Variants in ADGRG2 observed in about 807,000 individuals in gnomAD.
ADGRG2 encodes G protein-coupled receptor 64.
Under a neutral mutation model 74.1 loss-of-function variants are expected in ADGRG2, and 26 were observed. The ratio of observed to expected loss-of-function variants is 0.35; its 90% CI spans 0.26 to 0.49. ADGRG2 has a LOEUF of 0.49. ADGRG2 is among the 20% of genes least tolerant of loss of function. ADGRG2 has a pLI of 0.99. For synonymous variants in ADGRG2, 296 were observed against 295.2 expected (o/e 1.00, Z -0.03); for missense variants, 619 against 763.1 (o/e 0.81, Z 2.22).
Position 19,100,252 on chromosome X carries a change from TA to T in ADGRG2, c.-46-17507del, listed in dbSNP as rs1363997221. ...TAGAATCCTCAAAAGTTATCATAGG[TA>T]AAAATCTGCATTTCCTCTGCAAAGG... On this transcript the variant is annotated intron_variant, in intron 1 of 28. Coordinates refer to ENST00000379869, the MANE Select transcript of ADGRG2 (RefSeq NM_001079858.3). Among the ~76,000 whole-genome samples, 32 of 112,548 alleles carry T rather than the reference TA, an allele frequency of 2.8e-4. 1 individual carries two copies. The highest frequency in any genetic ancestry group is 5.6e-4 in the Non-Finnish European group (30 of 53,316).
At chrX:19,038,312 A>T (rs1664261990) in intron 4 of ADGRG2, among the ~76,000 whole-genome samples, 1 of 112,259 alleles carries the variant, frequency 8.9e-6, no homozygotes, top group East Asian at 2.8e-4. Context: ...TATAACTAAA[A>T]TAAGTTTTGC....
chrX:19,119,282 G>A (rs957070939), intron 1 of ADGRG2, among the ~76,000 whole-genome samples: 1 of 112,149 alleles, frequency 8.9e-6, no homozygotes, highest in African/African-American at 3.2e-5. Flanking sequence ...TTATTTGATT[G>A]CGGGAATTTA....
intron 3 of ADGRG2, among the ~76,000 whole-genome samples, chrX:19,066,143 C>T (rs756144235): frequency 1.8e-5 from 2 of 112,609 alleles, no homozygotes; most frequent in South Asian, 3.6e-4. Context: ...CCACTGCACC[C>T]GGCCATTATT....
intron 3 of ADGRG2, among the ~76,000 whole-genome samples, chrX:19,062,015 G>A (rs1265238091): frequency 9.0e-6 from 1 of 111,550 alleles, no homozygotes; most frequent in African/African-American, 3.3e-5. Flanking sequence ...TCCAGGCCTG[G>A]GGGGTCCTTC....
chrX:19,083,387 T>C (rs1876026267), intron 1 of ADGRG2, among the ~76,000 whole-genome samples: 1 of 110,360 alleles, frequency 9.1e-6, no homozygotes, highest in Non-Finnish European at 1.9e-5. Flanking sequence ...CATAGGGCAC[T>C]GGACAACGAA....
chrX:19,102,846 T>C (rs1214121758), intron 1 of ADGRG2, among the ~76,000 whole-genome samples: 1 of 111,148 alleles, frequency 9.0e-6, no homozygotes, highest in East Asian at 2.8e-4. Context: ...CATGCCAGCA[T>C]CTTGATCTTG....
At chrX:19,016,601 T>C (rs187848829) in intron 15 of ADGRG2, among the ~76,000 whole-genome samples, 1,289 of 109,250 alleles carry the variant, frequency 0.012, 16 homozygotes, top group African/African-American at 0.041. Context: ...ATGTGCAGGT[T>C]AGTTACATAT....
intron 1 of ADGRG2, among the ~76,000 whole-genome samples, chrX:19,114,001 G>A (rs909654219): frequency 2.8e-5 from 3 of 106,205 alleles, no homozygotes; most frequent in African/African-American, 1.0e-4. Flanking sequence ...GAACCCGGGA[G>A]GCAGAGGTTG....
chrX:19,065,475 C>T (rs1449084901), intron 3 of ADGRG2, among the ~76,000 whole-genome samples: 2 of 111,388 alleles, frequency 1.8e-5, no homozygotes, highest in East Asian at 2.8e-4. Context: ...AGTCAGCTGC[C>T]TTGAGTGATC....
intron 3 of ADGRG2, among the ~76,000 whole-genome samples, chrX:19,046,828 G>A (rs2061200569): frequency 9.0e-6 from 1 of 111,695 alleles, no homozygotes; most frequent in Admixed American, 9.5e-5. Flanking sequence ...CATTAGAGAT[G>A]CCAGCCAAAC....
chrX:19,065,863 T>C (rs1350131293), intron 3 of ADGRG2, among the ~76,000 whole-genome samples: 1 of 112,205 alleles, frequency 8.9e-6, no homozygotes. Flanking sequence ...TATTTTATTT[T>C]TTGTTTGAGA....
intron 3 of ADGRG2, among the ~76,000 whole-genome samples, chrX:19,065,376 A>G (rs1426125080): frequency 1.8e-5 from 2 of 110,226 alleles, no homozygotes; most frequent in Non-Finnish European, 3.8e-5. Flanking sequence ...GTTCTGAGAG[A>G]CAGGTGATGC....
intron 11 of ADGRG2, among the ~76,000 whole-genome samples, chrX:19,026,420 G>A (rs2060701333): frequency 9.0e-6 from 1 of 111,408 alleles, no homozygotes; most frequent in Admixed American, 9.5e-5. Context: ...TTTTGGTGAC[G>A]GACACAGTAA....
chrX:19,048,737 C>T (rs1188717918), intron 3 of ADGRG2, among the ~76,000 whole-genome samples: 1 of 112,301 alleles, frequency 8.9e-6, no homozygotes, highest in Non-Finnish European at 1.9e-5. Flanking sequence ...GGTCCTGGCC[C>T]GTGCTGATAA....
intron 1 of ADGRG2, among the ~76,000 whole-genome samples, chrX:19,120,599 A>T (rs1275009872): frequency 1.8e-5 from 2 of 111,809 alleles, no homozygotes; most frequent in Admixed American, 1.9e-4. Flanking sequence ...ATCACCCACC[A>T]TCTCAAACCC....
intron 1 of ADGRG2, among the ~76,000 whole-genome samples, chrX:19,120,284 C>G (rs749282731): frequency 2.7e-5 from 3 of 111,964 alleles, no homozygotes; most frequent in African/African-American, 9.7e-5. Context: ...CATCTTAGAT[C>G]TTAACTAAGC....
rs1400202116 is a variant in ADGRG2 at position 19,040,118 on chromosome X, C to G, written c.154+71G>C. 4 of 709,235 alleles carry G rather than the reference C, an allele frequency of 5.6e-6. No homozygotes were observed. The East Asian group carries it at 9.7e-5, about 17-fold the overall frequency. 58.4% of individuals were successfully genotyped at this position (709,235 alleles called of 1,213,427 possible). A position where few individuals can be genotyped will look rare whatever the true frequency, so the allele number is the denominator to read the frequency against. ...CAATTTTGTTGTACCTGACTACATG[C>G]CATGTTTCATAGAGAACTTACAGAA... On this transcript the variant is annotated intron_variant, in intron 4 of 28. Transcript: ENST00000379869.
intron 20 of ADGRG2, among the ~76,000 whole-genome samples, chrX:19,006,782 AG>A (rs2146545101): frequency 1.1e-5 from 1 of 92,434 alleles, no homozygotes; most frequent in Non-Finnish European, 2.1e-5. Context: ...TTTTTGAGAC[AG>A]GGTCTCACTT....
chrX:19,018,740 G>A (rs2060521783), intron 15 of ADGRG2, among the ~76,000 whole-genome samples: 1 of 111,737 alleles, frequency 8.9e-6, no homozygotes, highest in Non-Finnish European at 1.9e-5. Context: ...AAATTTCCAT[G>A]ACAAAAAACA....
Sources: gnomAD v4.1 joint callset for allele counts (sites outside exome capture counted in the v4.1 genomes callset) on GRCh38, gnomAD v4.1.1 for gene constraint, MANE v1.5 for transcripts, NCBI Gene and HGNC (gene_info 2026-07-23, HGNC 2026-07-21) for gene names.